The following RTF2 variants were observed in gnomAD, a reference collection of about 807,000 sequenced individuals.
RTF2 encodes UPF0549 protein C20orf43.
RTF2 carries 18 observed loss-of-function variants against 38.0 expected under a neutral mutation model. That is an observed-to-expected ratio of 0.47 (90% confidence interval 0.33 to 0.70). The LOEUF (loss-of-function observed/expected upper bound fraction) is 0.70, where lower values mean the gene tolerates loss of function less well. RTF2 is among the 30% of genes least tolerant of loss of function. The probability of loss-of-function intolerance (pLI) is 0.02; values close to 1 mark genes in which losing one functional copy is unlikely to be tolerated. For synonymous variants in RTF2, 126 were observed against 137.1 expected (o/e 0.92, Z 0.57); for missense variants, 311 against 379.6 (o/e 0.82, Z 1.50).
chr20:56,491,923 G>A (rs780301322), intron 5 of RTF2: 10 of 637,424 alleles, frequency 1.6e-5, no homozygotes, highest in Non-Finnish European at 2.5e-5. Flanking sequence ...GCATTTCCAT[G>A]ATTGCCTTGA....
chr20:56,494,394 A>T (rs1170618697), intron 5 of RTF2, among the ~76,000 whole-genome samples: 1 of 152,166 alleles, frequency 6.6e-6, no homozygotes. Context: ...ATGACTTCTT[A>T]TACCATGTGC....
At chr20:56,501,005 C>T (rs78226519) in intron 5 of RTF2, among the ~76,000 whole-genome samples, 7,738 of 152,070 alleles carry the variant, frequency 0.051, 526 homozygotes, top group East Asian at 0.29. Context: ...AAAATTGATA[C>T]ATAATAATTA....
At position 56,518,658 on chromosome 20, in the gene RTF2, A is replaced by G. The variant is rs2146388830; in HGVS notation, c.*393A>G. The G allele has an allele frequency of 6.2e-6, 1 of 161,378 alleles. No individual in the cohort carries two copies. The highest frequency in any genetic ancestry group is 2.0e-4 in the South Asian group (1 of 5,052). 10.0% of individuals were successfully genotyped at this position (161,378 alleles called of 1,614,324 possible). A position where few individuals can be genotyped will look rare whatever the true frequency, so the allele number is the denominator to read the frequency against. ...CTACCAGCAATAAATCAAGTAGGCC[A>G]AGTGAAACTGGGCTTTAAAAAGGAT... On this transcript the variant is annotated 3_prime_UTR_variant, in exon 9 of 9. Coordinates refer to ENST00000357348, the MANE Select transcript of RTF2 (RefSeq NM_016407.5).
At chr20:56,476,655 A>G (rs1359015540) in intron 3 of RTF2, among the ~76,000 whole-genome samples, 1 of 152,006 alleles carries the variant, frequency 6.6e-6, no homozygotes, top group Non-Finnish European at 1.5e-5. Context: ...ATGTTCCACC[A>G]CACCCAGCTA....
chr20:56,474,785 T>G lies in RTF2; in HGVS notation c.258+14T>G. ...AAAAGCATTAAGGTAACACGAGTGA[T>G]TCTGAAGTGCTGTGAGGGTCTGAAC... On this transcript the variant is annotated intron_variant, in intron 3 of 8. Coordinates refer to ENST00000357348, the MANE Select transcript of RTF2 (RefSeq NM_016407.5). The G allele has an allele frequency of 6.6e-7, 1 of 1,524,510 alleles. No homozygotes were observed. Among genetic ancestry groups the G allele is most frequent in the Non-Finnish European group, 9.1e-7 (1 of 1,104,366 alleles). The allele number at this position is 1,524,510 out of a possible 1,614,324, so 94.4% of individuals were successfully genotyped here.
intron 5 of RTF2, among the ~76,000 whole-genome samples, chr20:56,511,953 C>T (rs1403818458): frequency 6.6e-6 from 1 of 152,176 alleles, no homozygotes; most frequent in Non-Finnish European, 1.5e-5. Context: ...TCACCTCAGC[C>T]TCCCGAGTAG....
chr20:56,495,186 T>G, intron 5 of RTF2: 2 of 1,534,294 alleles, frequency 1.3e-6, no homozygotes, highest in Non-Finnish European at 1.8e-6. Context: ...TTGTTTTGTT[T>G]TGTTTTTCTT....
intron 5 of RTF2, among the ~76,000 whole-genome samples, chr20:56,486,652 AAAATAAAT>A (rs921412911): frequency 6.6e-6 from 1 of 152,210 alleles, no homozygotes; most frequent in African/African-American, 2.4e-5. Context: ...CCATCTCAAA[AAAATAAAT>A]AAATAAATAA....
rs566603287 is a variant in RTF2, at chr20:56,479,196, C to T, written c.398+2072C>T. On this transcript the variant is annotated intron_variant, in intron 4 of 8. Transcript: ENST00000357348. ...TAATGTTGATATTCTGCCCTCCTCT[C>T]ATGAATCACAGATTTTTTTTGTTTG... is the stretch of plus-strand genomic sequence containing the variant. Among the ~76,000 whole-genome samples the T allele has an allele frequency of 1.6e-4, 24 of 152,244 alleles. No homozygotes were observed. In the South Asian group the frequency reaches 4.8e-3, roughly 30 times the overall value.
At position 56,518,122 on chromosome 20, in the gene RTF2, C is replaced by T. The variant is rs185266382; in HGVS notation, c.778C>T (p.Pro260Ser). The T allele has an allele frequency of 1.7e-4, 282 of 1,613,730 alleles. 1 individual carries two copies. In the East Asian group the frequency reaches 5.2e-3, roughly 30 times the overall value. The change falls in exon 9 of 9, where the codon CCT (proline) becomes TCT (serine). Residue 260 changes from proline (P) to serine (S), a missense_variant. Physicochemically the swap from Pro to Ser is moderately conservative, Grantham distance 74. Transcript: ENST00000357348. ...GAGCTCTTCTGGAAAAGCTGGGAAG[C>T]CTCCGTGTGGAGCCACAAAGAGGTC... Reference protein sequence around the residue: ...NESSSGKAGKPPCGATKRSIA... With the variant: ...NESSSGKAGKSPCGATKRSIA...
At chr20:56,506,943 G>T (rs372487137) in intron 5 of RTF2, among the ~76,000 whole-genome samples, 7 of 152,144 alleles carry the variant, frequency 4.6e-5, no homozygotes, top group African/African-American at 1.7e-4. Context: ...CTCGTGATCC[G>T]CCCGCCTCGG....
At chr20:56,480,576 C>A (rs978555184) in intron 4 of RTF2, among the ~76,000 whole-genome samples, 1 of 152,192 alleles carries the variant, frequency 6.6e-6, no homozygotes, top group Non-Finnish European at 1.5e-5. Context: ...ATTTGAGAGG[C>A]TGGATTTTGG....
intron 5 of RTF2, among the ~76,000 whole-genome samples, chr20:56,487,338 C>G (rs1279580256): frequency 1.3e-5 from 2 of 152,152 alleles, no homozygotes; most frequent in African/African-American, 4.8e-5. Flanking sequence ...ACAGTCTGTA[C>G]CTTGCACTTC....
rs559480358 is a variant in RTF2 at position 56,484,009 on chromosome 20, A to T, written c.399-102A>T. ...GATTTTTTTAATAGAGTAAAATGTA[A>T]CTATTTTAATCTTTGTGGTTCTTGG... On this transcript the variant is annotated intron_variant, in intron 4 of 8. Transcript: ENST00000357348. 4.5e-4 allele frequency: 405 copies of T among 892,324 alleles called. 2 individuals carry two copies. The highest frequency in any genetic ancestry group is 1.4e-3 in the South Asian group (81 of 59,438). The allele number at this position is 892,324 out of a possible 1,614,324, so 55.3% of individuals were successfully genotyped here. A position where few individuals can be genotyped will look rare whatever the true frequency, so the allele number is the denominator to read the frequency against.
intron 1 of RTF2, among the ~76,000 whole-genome samples, chr20:56,471,844 G>C (rs8125529): frequency 0.024 from 3,615 of 152,270 alleles, 152 homozygotes; most frequent in African/African-American, 0.082. Context: ...AACTCATAGA[G>C]TTTTTCTGAG....
chr20:56,502,618 T>G (rs965156795), intron 5 of RTF2, among the ~76,000 whole-genome samples: 2 of 152,202 alleles, frequency 1.3e-5, no homozygotes, highest in African/African-American at 4.8e-5. Flanking sequence ...TTCCTATGAG[T>G]AAATAGATAA....
In RTF2 at chr20:56,474,677, G is replaced by T; in HGVS notation, c.165-1G>T. 6.3e-7 allele frequency: 1 copy of T among 1,598,672 alleles called. No homozygotes were observed. On this transcript the variant is annotated splice_acceptor_variant, in intron 2 of 8. Coordinates refer to ENST00000357348, the MANE Select transcript of RTF2 (RefSeq NM_016407.5). LOFTEE classifies it high-confidence loss of function. ...TAATATTCTAATACTTACTATTGCA[G>T]ACTTTATAACAAAGATGCCGTCATT...
At chr20:56,503,185 A>G (rs1806267457) in intron 5 of RTF2, among the ~76,000 whole-genome samples, 1 of 152,222 alleles carries the variant, frequency 6.6e-6, no homozygotes, top group African/African-American at 2.4e-5. Flanking sequence ...ATGCTGTCCA[A>G]AGCAGCCTCA....
At chr20:56,468,819 C>T (rs1981814989) in intron 1 of RTF2, 53 bp downstream of exon 1, 1 of 1,443,004 alleles carries the variant, frequency 6.9e-7, no homozygotes, top group Non-Finnish European at 9.5e-7. Flanking sequence ...AATTTGACGA[C>T]CCCAGAAAAC....
Sources: allele counts gnomAD v4.1 joint callset (sites outside exome capture counted in the v4.1 genomes callset), GRCh38; gene constraint gnomAD v4.1.1; transcripts MANE v1.5; gene names NCBI Gene and HGNC (gene_info 2026-07-23, HGNC 2026-07-21).